PRICKLE2: variants seen among roughly 807,000 people sequenced by gnomAD.
PRICKLE2 encodes the protein prickle-like protein 2.
A neutral mutation model predicts 81.4 loss-of-function variants in PRICKLE2; 21 were observed. The observed-to-expected ratio is 0.26, with a 90% CI of 0.18 to 0.37. PRICKLE2 has a LOEUF of 0.37. PRICKLE2 is among the 10% of genes least tolerant of loss of function. The pLI, the probability that PRICKLE2 is intolerant of heterozygous loss-of-function variation, is 1.00. For synonymous variants in PRICKLE2, 456 were observed against 421.5 expected, an observed-to-expected ratio of 1.08 and a Z score of -1.00; for missense variants, 940 against 1,109.0, an observed-to-expected ratio of 0.85 and a Z score of 2.16.
At chr3:64,169,579 T>G (rs761699321) in intron 2 of PRICKLE2, among the ~76,000 whole-genome samples, 1 of 152,146 alleles carries the variant, frequency 6.6e-6, no homozygotes, top group Non-Finnish European at 1.5e-5. Flanking sequence ...GCCAGAACTA[T>G]GCACTCTTAA....
intron 1 of PRICKLE2, among the ~76,000 whole-genome samples, chr3:64,210,242 T>C (rs2078763183): frequency 6.6e-6 from 1 of 152,144 alleles, no homozygotes; most frequent in South Asian, 2.1e-4. Flanking sequence ...CAGCATATCC[T>C]GTTATTTGCA....
chr3:64,204,629 G>A (rs1320449153), intron 1 of PRICKLE2, among the ~76,000 whole-genome samples: 1 of 150,770 alleles, frequency 6.6e-6, no homozygotes, highest in Non-Finnish European at 1.5e-5. Flanking sequence ...GAGGGGGGAA[G>A]AAAAGGAAAA....
At chr3:64,100,221 A>T (rs2076636911) in intron 7 of PRICKLE2, 1 of 430,814 alleles carries the variant, frequency 2.3e-6, no homozygotes, top group Non-Finnish European at 4.2e-6. Flanking sequence ...TATCCTATGT[A>T]TGATGCTTCC....
chr3:64,146,762 G>A, intron 7 of PRICKLE2, 68 bp downstream of exon 7: 2 of 1,571,716 alleles, frequency 1.3e-6, no homozygotes, highest in South Asian at 1.1e-5. Flanking sequence ...AAAAATTCCT[G>A]GGGACCAGCA....
intron 2 of PRICKLE2, among the ~76,000 whole-genome samples, chr3:64,263,899 C>A (rs1004710201): frequency 6.6e-6 from 1 of 152,186 alleles, no homozygotes; most frequent in African/African-American, 2.4e-5. Flanking sequence ...TGGTCTCCCT[C>A]AATTCCATCA....
chr3:64,231,770 C>A (rs993564097), intron 2 of PRICKLE2, among the ~76,000 whole-genome samples: 1 of 152,124 alleles, frequency 6.6e-6, no homozygotes, highest in African/African-American at 2.4e-5. Flanking sequence ...TTAGTCCTCA[C>A]CATAAACCAA....
At chr3:64,204,951 CA>C (rs1376669703) in intron 1 of PRICKLE2, among the ~76,000 whole-genome samples, 1 of 152,114 alleles carries the variant, frequency 6.6e-6, no homozygotes, top group East Asian at 1.9e-4. Flanking sequence ...ATGCACACAG[CA>C]ACACCCAACA....
intron 3 of PRICKLE2, among the ~76,000 whole-genome samples, chr3:64,160,931 A>G (rs1034124584): frequency 6.6e-6 from 1 of 150,632 alleles, no homozygotes; most frequent in Non-Finnish European, 1.5e-5. Flanking sequence ...TGGAAAACCA[A>G]TATCACCCGT....
rs975007864 is a variant in PRICKLE2, at chr3:64,096,690, G to A, written c.*2361C>T. The A allele has an allele frequency of 3.3e-5, 5 of 152,462 alleles. No individual in the cohort carries two copies. Among genetic ancestry groups the A allele is most frequent in the African/African-American group, 4.8e-5 (2 of 41,428 alleles). The allele number at this position is 152,462 out of a possible 1,614,324, so 9.4% of individuals were successfully genotyped here. A position where few individuals can be genotyped will look rare whatever the true frequency, so the allele number is the denominator to read the frequency against. On this transcript the variant is annotated 3_prime_UTR_variant, in exon 8 of 8. Coordinates refer to ENST00000638394, the MANE Select transcript of PRICKLE2 (RefSeq NM_198859.4). The stretch of plus-strand genomic sequence containing the variant: ...TAGACTTATGCCTCCAGACCCCTCC[G>A]GGCACTGGCCATGTGTCAGTTTTTA...
chr3:64,118,004 C>A (rs1256245494), intron 7 of PRICKLE2, among the ~76,000 whole-genome samples: 1 of 152,094 alleles, frequency 6.6e-6, no homozygotes, highest in African/African-American at 2.4e-5. Flanking sequence ...GAAAAACAGA[C>A]ACATAGACCA....
chr3:64,170,913 A>G (rs1350592509), intron 2 of PRICKLE2, among the ~76,000 whole-genome samples: 1 of 151,918 alleles, frequency 6.6e-6, no homozygotes, highest in East Asian at 1.9e-4. Flanking sequence ...AAAAAAACTC[A>G]AAACCCCCAA....
At chr3:64,186,963 C>T (rs998779653) in intron 2 of PRICKLE2, among the ~76,000 whole-genome samples, 2 of 152,172 alleles carry the variant, frequency 1.3e-5, no homozygotes, top group African/African-American at 2.4e-5. Context: ...GAGGCCAAGT[C>T]CCAAACTTTA....
chr3:64,265,186 A>C (rs929906980), intron 2 of PRICKLE2, among the ~76,000 whole-genome samples: 7 of 152,208 alleles, frequency 4.6e-5, no homozygotes, highest in Non-Finnish European at 7.4e-5. Context: ...AACAAACAAA[A>C]AAAACTGAAT....
intron 7 of PRICKLE2, among the ~76,000 whole-genome samples, chr3:64,109,552 G>A (rs1220525975): frequency 6.6e-6 from 1 of 151,986 alleles, no homozygotes; most frequent in African/African-American, 2.4e-5. Context: ...CTGCACTGGG[G>A]AAGGGAAAGG....
intron 7 of PRICKLE2, among the ~76,000 whole-genome samples, chr3:64,135,982 G>C (rs1483237299): frequency 6.6e-6 from 1 of 152,070 alleles, no homozygotes; most frequent in East Asian, 1.9e-4. Context: ...GATGCAGTCC[G>C]TGATGATTCC....
intron 2 of PRICKLE2, among the ~76,000 whole-genome samples, chr3:64,238,503 A>AAG (rs2079215866): frequency 6.6e-6 from 1 of 151,894 alleles, no homozygotes; most frequent in African/African-American, 2.4e-5. Context: ...AAAAAAAAGA[A>AAG]AAAAGAAAAG....
At chr3:64,250,149 T>C (rs527807914) in intron 2 of PRICKLE2, among the ~76,000 whole-genome samples, 1 of 152,300 alleles carries the variant, frequency 6.6e-6, no homozygotes, top group African/African-American at 2.4e-5. Flanking sequence ...GTCAGCCTTT[T>C]ATCAGGCCTG....
At chr3:64,232,426 C>T (rs2079119010) in intron 2 of PRICKLE2, among the ~76,000 whole-genome samples, 1 of 152,182 alleles carries the variant, frequency 6.6e-6, no homozygotes, top group Non-Finnish European at 1.5e-5. Context: ...TGTTCATTTG[C>T]ATTCCAACAT....
chr3:64,142,313 C>CTTTT (rs397936636), intron 7 of PRICKLE2, among the ~76,000 whole-genome samples: 11 of 132,764 alleles, frequency 8.3e-5, no homozygotes, highest in Non-Finnish European at 1.1e-4. Flanking sequence ...TTCTTTCTTT[C>CTTTT]TTTTTTTTTT....
Sources: allele counts gnomAD v4.1 joint callset (sites outside exome capture counted in the v4.1 genomes callset), GRCh38; gene constraint gnomAD v4.1.1; transcripts MANE v1.5; gene names NCBI Gene and HGNC (gene_info 2026-07-23, HGNC 2026-07-21).